PLS1: variants seen among roughly 807,000 people sequenced by gnomAD.
PLS1 encodes plastin-1.
A neutral mutation model predicts 73.7 loss-of-function variants in PLS1; 32 were observed. The ratio of observed to expected loss-of-function variants is 0.43; its 90% CI spans 0.33 to 0.58. PLS1 has a LOEUF of 0.58. Ranked by LOEUF, PLS1 falls within the 20% of genes least tolerant of loss-of-function variation. The probability of loss-of-function intolerance (pLI) is 0.04; values close to 1 mark genes in which losing one functional copy is unlikely to be tolerated. For missense variants in PLS1, 633 were observed against 740.5 expected, an observed-to-expected ratio of 0.85 and a Z score of 1.68; for synonymous variants, 217 against 261.3, an observed-to-expected ratio of 0.83 and a Z score of 1.63.
At chr3:142,641,734 A>T (rs2108614619) in intron 1 of PLS1, among the ~76,000 whole-genome samples, 1 of 151,840 alleles carries the variant, frequency 6.6e-6, no homozygotes, top group East Asian at 1.9e-4. Flanking sequence ...CCTTTGTGAG[A>T]TCCTTATGGT....
chr3:142,600,011 G>A lies in PLS1; in HGVS notation c.-37+3502G>A, dbSNP rs1212260616. 4.6e-5 allele frequency among the ~76,000 whole-genome samples: 7 copies of A among 152,058 alleles called. No homozygotes were observed. The South Asian group carries it at 1.0e-3, about 22-fold the overall frequency. ...CTTTGGCCTGCCTCAGCCTCCCAAT[G>A]TGTTAGGATTACAGGCCTGAGCCAC... On this transcript the variant is annotated intron_variant, in intron 1 of 15. Coordinates refer to ENST00000457734, the MANE Select transcript of PLS1 (RefSeq NM_001145319.2).
At chr3:142,670,539 A>G (rs1251477200) in intron 3 of PLS1, among the ~76,000 whole-genome samples, 1 of 152,224 alleles carries the variant, frequency 6.6e-6, no homozygotes, top group Non-Finnish European at 1.5e-5. Flanking sequence ...AGTCTTGCCA[A>G]TCTCTGGTGA....
chr3:142,639,777 G>C (rs1260778871), intron 1 of PLS1, among the ~76,000 whole-genome samples: 1 of 152,156 alleles, frequency 6.6e-6, no homozygotes, highest in Non-Finnish European at 1.5e-5. Flanking sequence ...GCAGTTCTTA[G>C]TAAGTGTTGG....
intron 11 of PLS1, among the ~76,000 whole-genome samples, chr3:142,694,850 ATTG>A (rs1406542280): frequency 3.3e-5 from 5 of 152,182 alleles, no homozygotes; most frequent in Admixed American, 6.5e-5. Flanking sequence ...TAACTGATAA[ATTG>A]TTGTTATATC....
chr3:142,661,672 A>G (rs185805893), intron 1 of PLS1, among the ~76,000 whole-genome samples: 100 of 152,344 alleles, frequency 6.6e-4, no homozygotes, highest in African/African-American at 2.3e-3. Flanking sequence ...ATAAAAGTGT[A>G]TAAAAAAGAG....
At chr3:142,658,633 A>G (rs1238678020) in intron 1 of PLS1, among the ~76,000 whole-genome samples, 1 of 152,236 alleles carries the variant, frequency 6.6e-6, no homozygotes, top group African/African-American at 2.4e-5. Flanking sequence ...AGCAACATAT[A>G]TAGTATTTTG....
intron 1 of PLS1, among the ~76,000 whole-genome samples, chr3:142,620,477 T>G (rs1215903303): frequency 1.3e-5 from 2 of 152,190 alleles, no homozygotes; most frequent in Non-Finnish European, 2.9e-5. Context: ...ACAGATGATA[T>G]GACAATCTTA....
At chr3:142,689,430 A>C (rs1412288621) in intron 9 of PLS1, among the ~76,000 whole-genome samples, 188 bp from the exon 10 acceptor site, 1 of 29,330 alleles carries the variant, frequency 3.4e-5, no homozygotes, top group Non-Finnish European at 9.4e-5. Context: ...CTCTAAATAC[A>C]TAAATAAATA....
intron 1 of PLS1, among the ~76,000 whole-genome samples, chr3:142,658,920 T>C (rs2037302569): frequency 6.6e-6 from 1 of 152,332 alleles, no homozygotes; most frequent in South Asian, 2.1e-4. Flanking sequence ...TTGAACTACA[T>C]GTAGAACTTA....
chr3:142,626,952 G>C (rs781080570), intron 1 of PLS1, among the ~76,000 whole-genome samples: 1 of 152,158 alleles, frequency 6.6e-6, no homozygotes, highest in African/African-American at 2.4e-5. Context: ...TTTGTAGAAC[G>C]TCTACTCCTC....
At chr3:142,678,007 T>C (rs751628592) in intron 5 of PLS1, 25 bp from the exon 6 acceptor site, 68 of 1,232,870 alleles carry the variant, frequency 5.5e-5, no homozygotes, top group Non-Finnish European at 7.0e-5. Flanking sequence ...AGTATTAAAC[T>C]AAATTATTCT....
At chr3:142,642,060 A>G (rs1037616789) in intron 1 of PLS1, among the ~76,000 whole-genome samples, 8 of 152,144 alleles carry the variant, frequency 5.3e-5, no homozygotes, top group Non-Finnish European at 8.8e-5. Context: ...TGCTTGCTCT[A>G]GATCATGTAT....
At chr3:142,616,490 A>G (rs9868309) in intron 1 of PLS1, among the ~76,000 whole-genome samples, 32,939 of 152,042 alleles carry the variant, frequency 0.22, 4,506 homozygotes, top group African/African-American at 0.39. Flanking sequence ...TCTAGTTGTG[A>G]CCCCAACAAC....
At chr3:142,598,354 T>C (rs1289710510) in intron 1 of PLS1, among the ~76,000 whole-genome samples, 8 of 152,136 alleles carry the variant, frequency 5.3e-5, no homozygotes, top group African/African-American at 1.9e-4. Flanking sequence ...AAGTGCAGTA[T>C]GTATAGTTTT....
At chr3:142,650,756 G>A (rs2037069193) in intron 1 of PLS1, among the ~76,000 whole-genome samples, 1 of 152,162 alleles carries the variant, frequency 6.6e-6, no homozygotes, top group East Asian at 1.9e-4. Flanking sequence ...AATTACACTC[G>A]AAGTGTTAAT....
intron 12 of PLS1, among the ~76,000 whole-genome samples, chr3:142,698,868 G>A (rs2038266905): frequency 6.6e-6 from 1 of 152,028 alleles, no homozygotes; most frequent in African/African-American, 2.4e-5. Flanking sequence ...AAAGTTGGGT[G>A]GCAAAATGCT....
At position 142,676,270 on chromosome 3, in the gene PLS1, G is replaced by T; in HGVS notation, c.478G>T (p.Ala160Ser). ...PNDDSLFKSLADGILLCKMIN... is the reference protein window; with the variant it reads ...PNDDSLFKSLSDGILLCKMIN... ...TGATGATAGTCTTTTCAAGTCACTT[G>T]CAGATGGCATCCTTCTTTGGTGAGT... Residue 160 changes from alanine (A) to serine (S), a missense_variant, in exon 5 of 16, where the codon GCA becomes TCA. Transcript: ENST00000457734. 6.2e-7 allele frequency: 1 copy of T among 1,613,198 alleles called. No individual in the cohort carries two copies. Among genetic ancestry groups the T allele is most frequent in the African/African-American group, 1.3e-5 (1 of 74,976 alleles).
intron 1 of PLS1, among the ~76,000 whole-genome samples, chr3:142,600,893 TATATATATATATATA>T (rs2035903343): frequency 3.9e-5 from 1 of 25,652 alleles, no homozygotes; most frequent in Non-Finnish European, 6.5e-5. Flanking sequence ...TATATATATA[TATATATATATATATA>T]TATATATATT....
intron 1 of PLS1, among the ~76,000 whole-genome samples, chr3:142,623,059 G>A (rs2036347204): frequency 1.3e-5 from 2 of 152,126 alleles, no homozygotes; most frequent in Non-Finnish European, 2.9e-5. Context: ...CCTGGGCTCA[G>A]GTGGTCCTCC....
Sources: gnomAD v4.1 joint callset for allele counts (sites outside exome capture counted in the v4.1 genomes callset) on GRCh38, gnomAD v4.1.1 for gene constraint, MANE v1.5 for transcripts, NCBI Gene and HGNC (gene_info 2026-07-23, HGNC 2026-07-21) for gene names.